MFAP3L: variants seen among roughly 807,000 people sequenced by gnomAD.
MFAP3L encodes the protein microfibrillar-associated protein 3-like.
In MFAP3L, 5 loss-of-function variants were observed where a neutral mutation model predicts 20.0. That is an observed-to-expected ratio of 0.25 (90% confidence interval 0.13 to 0.53). The LOEUF (loss-of-function observed/expected upper bound fraction) is 0.53, where lower values mean the gene tolerates loss of function less well. Among genes scored for constraint, MFAP3L ranks in the 20% least tolerant of loss-of-function variants. The pLI, the probability that MFAP3L is intolerant of heterozygous loss-of-function variation, is 0.96. For missense variants in MFAP3L, 409 were observed against 527.5 expected, an observed-to-expected ratio of 0.78 and a Z score of 2.20; for synonymous variants, 219 against 213.0, an observed-to-expected ratio of 1.03 and a Z score of -0.25.
Position 170,019,146 on chromosome 4 carries a change from T to C in MFAP3L, c.-134+7088A>G, listed in dbSNP as rs147080265. On this transcript the variant is annotated intron_variant, in intron 1 of 2. Coordinates refer to ENST00000361618, the MANE Select transcript of MFAP3L (RefSeq NM_021647.8). The stretch of plus-strand genomic sequence containing the variant: ...AGTCGCTGTTTATCTACCTACTTTC[T>C]TGCAGGGGCGTCTGGCCTTTGGAGA... Among the ~76,000 whole-genome samples, 829 of 152,328 alleles carry C rather than the reference T, an allele frequency of 5.4e-3. 7 individuals carry two copies. The highest frequency in any genetic ancestry group is 0.018 in the African/African-American group (751 of 41,570).
intron 1 of MFAP3L, among the ~76,000 whole-genome samples, chr4:170,019,597 T>C (rs1226596841): frequency 6.6e-6 from 1 of 152,198 alleles, no homozygotes; most frequent in East Asian, 1.9e-4. Context: ...TCCTATCTTG[T>C]TAAGAGGTAC....
At position 169,992,771 on chromosome 4, in the gene MFAP3L, G is replaced by A. The variant is rs905888181; in HGVS notation, c.299-462C>T. Among the ~76,000 whole-genome samples the A allele has an allele frequency of 1.3e-5, 2 of 152,232 alleles. No homozygotes were observed. The highest frequency in any genetic ancestry group is 4.8e-5 in the African/African-American group (2 of 41,460). On this transcript the variant is annotated intron_variant, in intron 2 of 2. Coordinates refer to ENST00000361618, the MANE Select transcript of MFAP3L (RefSeq NM_021647.8). The surrounding 1 kb of genome is among the most constrained non-coding windows in gnomAD (Gnocchi z 4.3). ...GGTTCTCTAACCTGCCAGTGAGCAT[G>A]CCTCCATTGAATATATGTTCACTGG...
chr4:170,003,021 A>AT (rs888651854), intron 2 of MFAP3L, among the ~76,000 whole-genome samples: 4 of 151,992 alleles, frequency 2.6e-5, no homozygotes, highest in South Asian at 2.1e-4. Context: ...AGATTCTGAT[A>AT]TTTTTTGAGC....
Position 169,992,038 on chromosome 4 carries a change from A to G in MFAP3L, c.570T>C (p.Phe190=), listed in dbSNP as rs1421754156. The change falls in exon 3 of 3, where the codon TTT becomes TTC. Residue 190 remains phenylalanine (F), a synonymous_variant. Coordinates refer to ENST00000361618, the MANE Select transcript of MFAP3L (RefSeq NM_021647.8). The surrounding 1 kb of genome is among the most constrained non-coding windows in gnomAD (Gnocchi z 4.3). Reference sequence around the variant, plus strand: ...GCAGCTTCTCTGCACCTTCGGTCCTAAAGAACTCATTGATGGCCTTCTCAG... The same window carrying G: ...GCAGCTTCTCTGCACCTTCGGTCCTGAAGAACTCATTGATGGCCTTCTCAG... ...KKTEKAINEF[F]RTEGAEKLQK... is the part of the protein sequence containing the mutation. 6 of 1,614,042 alleles carry G rather than the reference A, an allele frequency of 3.7e-6. No homozygotes were observed. Among genetic ancestry groups the G allele is most frequent in the East Asian group, 2.2e-5 (1 of 44,882 alleles).
At chr4:170,004,397 CATA>C (rs1738894965) in intron 2 of MFAP3L, among the ~76,000 whole-genome samples, 2 of 152,180 alleles carry the variant, frequency 1.3e-5, no homozygotes, top group South Asian at 2.1e-4. Flanking sequence ...AAACGCGATT[CATA>C]ATATGTAATA....
Position 169,991,762 on chromosome 4 carries a change from G to C in MFAP3L, c.846C>G (p.Asp282Glu), listed in dbSNP as rs1258115163. ...TGGGGATTGTGTAGACCTCATCCCTGTCTGCGGCCTCCTGGCCCTCTGGAG... is the reference window on the plus strand; with the variant it reads ...TGGGGATTGTGTAGACCTCATCCCTCTCTGCGGCCTCCTGGCCCTCTGGAG... ...RHTPEGQEAA[D>E]RDEVYTIPNS... The change falls in exon 3 of 3, where the codon GAC (aspartate) becomes GAG (glutamate). Residue 282 changes from aspartate to glutamate, a missense_variant. Transcript: ENST00000361618. The surrounding 1 kb of genome is among the most constrained non-coding windows in gnomAD (Gnocchi z 4.9). The C allele has an allele frequency of 1.2e-6, 2 of 1,613,980 alleles. No individual in the cohort carries two copies. Among genetic ancestry groups the C allele is most frequent in the Non-Finnish European group, 8.5e-7 (1 of 1,179,994 alleles).
At position 170,019,727 on chromosome 4, in the gene MFAP3L, G is replaced by A. The variant is rs575600127; in HGVS notation, c.-134+6507C>T. 5.9e-5 allele frequency among the ~76,000 whole-genome samples: 9 copies of A among 152,308 alleles called. 1 individual carries two copies. In the East Asian group the frequency reaches 1.7e-3, roughly 29 times the overall value. On this transcript the variant is annotated intron_variant, in intron 1 of 2. Transcript: ENST00000361618. ...TCTAACCCATTTATTTCCTCAAGGA[G>A]CAAACCCTTCCCTTACGATCTTCCT...
intron 2 of MFAP3L, among the ~76,000 whole-genome samples, chr4:170,000,603 G>T (rs1738544309): frequency 6.6e-6 from 1 of 152,108 alleles, no homozygotes; most frequent in African/African-American, 2.4e-5. Flanking sequence ...AAAAGTCAAA[G>T]AACTTCCTTA....
At chr4:170,012,171 T>C (rs1368647389) in intron 1 of MFAP3L, among the ~76,000 whole-genome samples, 5 of 152,140 alleles carry the variant, frequency 3.3e-5, no homozygotes, top group South Asian at 2.1e-4. Context: ...AGGAGACTAG[T>C]ATTATACAAT....
chr4:170,013,271 T>G (rs1358518877), intron 1 of MFAP3L, among the ~76,000 whole-genome samples: 1 of 152,146 alleles, frequency 6.6e-6, no homozygotes, highest in Non-Finnish European at 1.5e-5. Context: ...ACTGTTGATA[T>G]CCTACTAAAC....
chr4:170,021,874 T>C (rs1361418562), intron 1 of MFAP3L, among the ~76,000 whole-genome samples: 1 of 152,190 alleles, frequency 6.6e-6, no homozygotes, highest in Non-Finnish European at 1.5e-5. Flanking sequence ...ACGTCAAATA[T>C]GGAGCCCATC....
chr4:169,987,769 C>T lies in MFAP3L; in HGVS notation c.*3609G>A, dbSNP rs1361336170. 1 of 152,024 alleles carries T rather than the reference C, an allele frequency of 6.6e-6. No homozygotes were observed. The highest frequency in any genetic ancestry group is 2.4e-5 in the African/African-American group (1 of 41,344). The allele number at this position is 152,024 out of a possible 1,614,324, so 9.4% of individuals were successfully genotyped here. A position where few individuals can be genotyped will look rare whatever the true frequency, so the allele number is the denominator to read the frequency against. On this transcript the variant is annotated 3_prime_UTR_variant, in exon 3 of 3. Coordinates refer to ENST00000361618, the MANE Select transcript of MFAP3L (RefSeq NM_021647.8). ...CCTAGATCACCAATAAATAAAGATCCAAGCATGAGACTTGAAACATCTTAT... is the reference window on the plus strand; with the variant it reads ...CCTAGATCACCAATAAATAAAGATCTAAGCATGAGACTTGAAACATCTTAT...
intron 1 of MFAP3L, among the ~76,000 whole-genome samples, chr4:170,017,159 G>C (rs1560989336): frequency 6.6e-6 from 1 of 151,976 alleles, no homozygotes; most frequent in African/African-American, 2.4e-5. Flanking sequence ...AACTGGAGAG[G>C]GTAGTTAAAT....
At chr4:169,997,100 G>C (rs1738235368) in intron 2 of MFAP3L, among the ~76,000 whole-genome samples, 1 of 152,136 alleles carries the variant, frequency 6.6e-6, no homozygotes, top group African/African-American at 2.4e-5. Context: ...GGGAGGGGCA[G>C]GGAAGACTAT....
Position 170,005,583 on chromosome 4 carries a change from C to G in MFAP3L, c.295G>C (p.Gly99Arg). The change falls in exon 2 of 3, where the codon GGA (glycine) becomes CGA (arginine). Residue 99 changes from glycine (G) to arginine (R), a missense_variant. Coordinates refer to ENST00000361618, the MANE Select transcript of MFAP3L (RefSeq NM_021647.8). ...TTGATACAACTTTAAAGCCTACCTC[C>G]TCCTCTCTCCTTCTCATCCTCTTCT... ...KEEEDEKERG[G>R]GKWQMHDSGL... 1 of 1,613,202 alleles carries G rather than the reference C, an allele frequency of 6.2e-7. No homozygotes were observed. The highest frequency in any genetic ancestry group is 8.5e-7 in the Non-Finnish European group (1 of 1,179,194).
chr4:170,019,110 T>A (rs1739874764), intron 1 of MFAP3L, among the ~76,000 whole-genome samples: 1 of 152,232 alleles, frequency 6.6e-6, no homozygotes, highest in African/African-American at 2.4e-5. Flanking sequence ...GGGTTTTGAA[T>A]CTTTAAGCAC....
chr4:170,002,536 A>G (rs1738712338), intron 2 of MFAP3L, among the ~76,000 whole-genome samples: 1 of 151,934 alleles, frequency 6.6e-6, no homozygotes, highest in South Asian at 2.1e-4. Flanking sequence ...TTTCAGACAG[A>G]GTCTCGTTCT....
chr4:169,996,375 A>C (rs6835709), intron 2 of MFAP3L, among the ~76,000 whole-genome samples: 9,202 of 152,188 alleles, frequency 0.06, 950 homozygotes, highest in African/African-American at 0.21. Context: ...CCAGGCTCCA[A>C]GCTAGATGAT....
rs1279247532 is a variant in MFAP3L at position 169,989,410 on chromosome 4, G to A, written c.*1968C>T. The A allele has an allele frequency of 6.6e-6, 1 of 152,174 alleles. No homozygotes were observed. Among genetic ancestry groups the A allele is most frequent in the Non-Finnish European group, 1.5e-5 (1 of 68,026 alleles). The allele number at this position is 152,174 out of a possible 1,614,324, so 9.4% of individuals were successfully genotyped here. On this transcript the variant is annotated 3_prime_UTR_variant, in exon 3 of 3. Transcript: ENST00000361618. ...ACCAAGCCCACTGCTCTCAATTACA[G>A]AGCCAGATAATGTTTGTTGTAAAGT...
Sources: allele counts gnomAD v4.1 joint callset (sites outside exome capture counted in the v4.1 genomes callset), GRCh38; gene constraint gnomAD v4.1.1; non-coding constraint Gnocchi (gnomAD v3.1); transcripts MANE v1.5; gene names NCBI Gene and HGNC (gene_info 2026-07-23, HGNC 2026-07-21).